The following HIBCH variants were observed in gnomAD, a reference collection of about 807,000 sequenced individuals.
The protein encoded by HIBCH is 3-hydroxyisobutyryl-CoA hydrolase, mitochondrial.
A neutral mutation model predicts 58.2 loss-of-function variants in HIBCH; 50 were observed. That is an observed-to-expected ratio of 0.86 (90% CI 0.68 to 1.09). The LOEUF is 1.09. Among genes scored for constraint, HIBCH ranks in the 50% least tolerant of loss-of-function variants. The pLI is 0.00. For missense variants in HIBCH, 450 were observed against 449.7 expected, an observed-to-expected ratio of 1.00 and a Z score of -0.01; for synonymous variants, 151 against 146.9, an observed-to-expected ratio of 1.03 and a Z score of -0.20.
At chr2:190,227,024 A>G (rs1252542634) in intron 11 of HIBCH, among the ~76,000 whole-genome samples, 5 of 152,086 alleles carry the variant, frequency 3.3e-5, no homozygotes, top group Non-Finnish European at 7.3e-5. Context: ...TATAGATTCA[A>G]TGCCATCCCC....
At chr2:190,196,222 T>C (rs760459472) in intron 1 of HIBCH, among the ~76,000 whole-genome samples, 2 of 152,090 alleles carry the variant, frequency 1.3e-5, no homozygotes, top group African/African-American at 4.8e-5. Context: ...ATACTTGCAT[T>C]ATCTCTTTAG....
chr2:190,264,366 A>G (rs1252923686), intron 6 of HIBCH, among the ~76,000 whole-genome samples: 1 of 151,996 alleles, frequency 6.6e-6, no homozygotes, highest in African/African-American at 2.4e-5. Context: ...GCAAGCATAT[A>G]GTTTCAATGA....
chr2:190,235,292 G>C (rs1559025662), intron 11 of HIBCH, among the ~76,000 whole-genome samples: 2 of 152,086 alleles, frequency 1.3e-5, no homozygotes. Flanking sequence ...AAGAAACATT[G>C]CACTTGGGAC....
chr2:190,294,261 C>A (rs1688047380), intron 4 of HIBCH, among the ~76,000 whole-genome samples: 1 of 151,522 alleles, frequency 6.6e-6, no homozygotes, highest in African/African-American at 2.4e-5. Context: ...GACCCATATA[C>A]CCTAACTGGA....
chr2:190,282,692 A>C (rs1238382011), intron 6 of HIBCH, among the ~76,000 whole-genome samples: 1 of 152,150 alleles, frequency 6.6e-6, no homozygotes, highest in East Asian at 1.9e-4. Context: ...AACCAAGATA[A>C]ATACAAAACC....
chr2:190,208,668 ATT>A (rs10650285), intron 13 of HIBCH: 1,746 of 457,184 alleles, frequency 3.8e-3, no homozygotes, highest in Middle Eastern at 5.6e-3. Context: ...TTCAGGTTTG[ATT>A]TTTTTTTTTT....
At chr2:190,294,242 T>C (rs1688046810) in intron 4 of HIBCH, among the ~76,000 whole-genome samples, 1 of 151,626 alleles carries the variant, frequency 6.6e-6, no homozygotes, top group Non-Finnish European at 1.5e-5. Context: ...TCTTCTAAAA[T>C]ATAAAGTGGA....
At chr2:190,319,560 G>A (rs980058344) in intron 1 of HIBCH, among the ~76,000 whole-genome samples, 156 bp downstream of exon 1, 1 of 152,080 alleles carries the variant, frequency 6.6e-6, no homozygotes, top group Non-Finnish European at 1.5e-5. Context: ...AGGGACGGGG[G>A]CTGGGGCTTG....
At chr2:190,297,515 G>A (rs1469943194) in intron 2 of HIBCH, among the ~76,000 whole-genome samples, 5 of 152,232 alleles carry the variant, frequency 3.3e-5, no homozygotes, top group Non-Finnish European at 7.3e-5. Context: ...AACGAGTGGT[G>A]AGAGGGTAGG....
At chr2:190,255,430 T>C (rs927324375) in intron 7 of HIBCH, among the ~76,000 whole-genome samples, 4 of 152,188 alleles carry the variant, frequency 2.6e-5, no homozygotes, top group Non-Finnish European at 5.9e-5. Flanking sequence ...TCTGAGAGCA[T>C]CTTTAATCAT....
rs1232683517 is a variant in HIBCH at position 190,236,578 on chromosome 2, T to C, written c.891+8309A>G. On this transcript the variant is annotated intron_variant, in intron 11 of 13. Coordinates refer to ENST00000359678, the MANE Select transcript of HIBCH (RefSeq NM_014362.4). This position sits in a 1 kb window ranked among gnomAD's most constrained non-coding sequence, Gnocchi z 4.1. ...GTCTATTTCATTGACTAGTGCAGTT[T>C]CACAGAAATATTTCTATTTTTTAGT... Among the ~76,000 whole-genome samples, 1 of 152,208 alleles carries C rather than the reference T, an allele frequency of 6.6e-6. No individual in the cohort carries two copies. The highest frequency in any genetic ancestry group is 1.5e-5 in the Non-Finnish European group (1 of 68,030).
chr2:190,200,256 GT>G, downstream of HIBCH: 1 of 878,970 alleles, frequency 1.1e-6, no homozygotes, highest in Non-Finnish European at 1.8e-6. Flanking sequence ...ATTTAAAAAT[GT>G]GTCTACGATA....
intron 6 of HIBCH, among the ~76,000 whole-genome samples, chr2:190,285,627 G>A (rs1166775440): frequency 6.6e-6 from 1 of 152,028 alleles, no homozygotes. Context: ...TTGAACAGGT[G>A]GAATTTCAAA....
At chr2:190,293,324 G>C (rs192862193) in intron 4 of HIBCH, among the ~76,000 whole-genome samples, 1 of 152,140 alleles carries the variant, frequency 6.6e-6, no homozygotes, top group African/African-American at 2.4e-5. Context: ...ATGTTGGCAG[G>C]CACCTGTAAT....
At chr2:190,238,304 C>G (rs1360837630) in intron 11 of HIBCH, among the ~76,000 whole-genome samples, 2 of 152,152 alleles carry the variant, frequency 1.3e-5, no homozygotes, top group African/African-American at 4.8e-5. Flanking sequence ...TAAAAGTGTA[C>G]CTATTTCTCT....
intron 5 of HIBCH, among the ~76,000 whole-genome samples, chr2:190,289,493 T>A (rs1008376973): frequency 6.6e-6 from 1 of 152,090 alleles, no homozygotes. Context: ...ACAATGGTTG[T>A]TTTTGAGGAG....
At position 190,207,506 on chromosome 2, in the gene HIBCH, T is replaced by C. The variant is rs1575692199; in HGVS notation, c.1045+1374A>G. Among the ~76,000 whole-genome samples, 1 of 152,312 alleles carries C rather than the reference T, an allele frequency of 6.6e-6. No homozygotes were observed. Among genetic ancestry groups the C allele is most frequent in the East Asian group, 1.9e-4 (1 of 5,184 alleles). ...TTCTGATATTGTATCATGTCAGAAATGAAGAGAACTCTATGAAGAGTGATT... is the reference window on the plus strand; with the variant it reads ...TTCTGATATTGTATCATGTCAGAAACGAAGAGAACTCTATGAAGAGTGATT... On this transcript the variant is annotated intron_variant, in intron 13 of 13. Transcript: ENST00000359678. The surrounding 1 kb of genome is among the most constrained non-coding windows in gnomAD (Gnocchi z 4.5).
intron 6 of HIBCH, among the ~76,000 whole-genome samples, chr2:190,282,539 T>C (rs1263542933): frequency 6.6e-6 from 1 of 152,196 alleles, no homozygotes; most frequent in East Asian, 1.9e-4. Flanking sequence ...CTAATCCATC[T>C]TAACAACATA....
At position 190,283,703 on chromosome 2, in the gene HIBCH, G is replaced by T. The variant is rs574057747; in HGVS notation, c.438+3883C>A. On this transcript the variant is annotated intron_variant, in intron 6 of 13. Coordinates refer to ENST00000359678, the MANE Select transcript of HIBCH (RefSeq NM_014362.4). ...AGAGGGAAGAACTTCAGTCTTTAAGGATGCATGTGGTTGGGCATACCTGAT... is the reference window on the plus strand; with the variant it reads ...AGAGGGAAGAACTTCAGTCTTTAAGTATGCATGTGGTTGGGCATACCTGAT... Among the ~76,000 whole-genome samples, 6 of 152,212 alleles carry T rather than the reference G, an allele frequency of 3.9e-5. No homozygotes were observed. The South Asian group carries it at 1.2e-3, about 32-fold the overall frequency.
Sources: gnomAD v4.1 joint callset for allele counts (sites outside exome capture counted in the v4.1 genomes callset) on GRCh38, gnomAD v4.1.1 for gene constraint, Gnocchi (gnomAD v3.1) non-coding constraint, MANE v1.5 for transcripts, NCBI Gene and HGNC (gene_info 2026-07-23, HGNC 2026-07-21) for gene names.